Variants in AGO2 observed in about 807,000 individuals in gnomAD.
The protein encoded by AGO2 is protein argonaute-2.
A neutral mutation model predicts 102.3 loss-of-function variants in AGO2; 5 were observed. The ratio of observed to expected loss-of-function variants is 0.05; its 90% CI spans 0.03 to 0.10. AGO2 has a LOEUF of 0.10. Among genes scored for constraint, AGO2 ranks in the 10% least tolerant of loss-of-function variants. AGO2 has a pLI of 1.00. For missense variants in AGO2, 541 were observed against 1,183.7 expected (o/e 0.46, Z 7.97); for synonymous variants, 449 against 473.1 (o/e 0.95, Z 0.66).
At chr8:140,538,833 G>C (rs187945113) in intron 16 of AGO2, among the ~76,000 whole-genome samples, 2 of 152,312 alleles carry the variant, frequency 1.3e-5, no homozygotes, top group African/African-American at 4.8e-5. Context: ...GGGCGCAGTG[G>C]TTCACACCTG....
Position 140,523,603 on chromosome 8 carries a change from ACTTG to A in AGO2, c.*8437_*8440del, listed in dbSNP as rs1446481536. On this transcript the variant is annotated 3_prime_UTR_variant, in exon 19 of 19. Coordinates refer to ENST00000220592, the MANE Select transcript of AGO2 (RefSeq NM_012154.5). ...TCTCAAAACTTTTTAAAAAATAAAA[ACTTG>A]CTTGCCTCTACAGTTATAAAACATG... 6.6e-6 allele frequency: 1 copy of A among 152,146 alleles called. No individual in the cohort carries two copies. Among genetic ancestry groups the A allele is most frequent in the African/African-American group, 2.4e-5 (1 of 41,426 alleles). The allele number at this position is 152,146 out of a possible 1,614,324, so 9.4% of individuals were successfully genotyped here. A position where few individuals can be genotyped will look rare whatever the true frequency, so the allele number is the denominator to read the frequency against.
intron 14 of AGO2, 59 bp downstream of exon 14, chr8:140,544,154 C>A: frequency 6.7e-7 from 1 of 1,499,020 alleles, no homozygotes; most frequent in South Asian, 1.4e-5. Context: ...GACAGTGGGA[C>A]TTCGACAGCG....
intron 1 of AGO2, among the ~76,000 whole-genome samples, chr8:140,634,734 T>C (rs1443525565): frequency 6.6e-6 from 1 of 152,158 alleles, no homozygotes; most frequent in Non-Finnish European, 1.5e-5. Context: ...AGCACTTGAA[T>C]GGGGAGGCCG....
chr8:140,629,494 C>A (rs1356185073), intron 1 of AGO2, among the ~76,000 whole-genome samples: 7 of 152,122 alleles, frequency 4.6e-5, no homozygotes, highest in Non-Finnish European at 8.8e-5. Flanking sequence ...GCGGACGGGG[C>A]TGCAGTTCTG....
chr8:140,548,136 C>A (rs1211480285), intron 12 of AGO2, among the ~76,000 whole-genome samples: 1 of 151,994 alleles, frequency 6.6e-6, no homozygotes, highest in Non-Finnish European at 1.5e-5. Flanking sequence ...GCCAACATGG[C>A]AAAACCCTGT....
rs965181902 is a variant in AGO2, at chr8:140,535,626, G to C, written c.2170-57C>G. The C allele has an allele frequency of 1.9e-6, 3 of 1,581,342 alleles. No homozygotes were observed. The African/African-American group carries it at 4.0e-5, about 21-fold the overall frequency. On this transcript the variant is annotated intron_variant, in intron 16 of 18. Transcript: ENST00000220592. The stretch of plus-strand genomic sequence containing the variant: ...GCCAGGGACCGGCAGAGCCAAGCAG[G>C]CGGGCCAGGCAGCCGCGCCGCCCGC...
At chr8:140,634,412 G>T (rs1214347205) in intron 1 of AGO2, among the ~76,000 whole-genome samples, 1 of 152,162 alleles carries the variant, frequency 6.6e-6, no homozygotes, top group Non-Finnish European at 1.5e-5. Flanking sequence ...GCCCGGCGGG[G>T]CCTGCGCCGC....
At chr8:140,615,057 GC>G (rs2074123483) in intron 1 of AGO2, among the ~76,000 whole-genome samples, 1 of 152,090 alleles carries the variant, frequency 6.6e-6, no homozygotes, top group Non-Finnish European at 1.5e-5. Context: ...GTCCTGATTT[GC>G]CAAACACAGC....
chr8:140,533,578 G>A (rs1187026167), intron 17 of AGO2, among the ~76,000 whole-genome samples: 6 of 151,906 alleles, frequency 3.9e-5, no homozygotes, highest in African/African-American at 7.3e-5. Context: ...AGGCCGAGGC[G>A]GGCAGAACAC....
rs1356158517 is a variant in AGO2, at chr8:140,529,778, G to C, written c.*2266C>G. ...CATCCCTGAAGTACCGCACGCAGGAGGTGGCAGCAGGCCCACAAATCTGCA... is the reference window on the plus strand; with the variant it reads ...CATCCCTGAAGTACCGCACGCAGGACGTGGCAGCAGGCCCACAAATCTGCA... On this transcript the variant is annotated 3_prime_UTR_variant, in exon 19 of 19. Coordinates refer to ENST00000220592, the MANE Select transcript of AGO2 (RefSeq NM_012154.5). The C allele has an allele frequency of 6.6e-6, 1 of 152,180 alleles. No individual in the cohort carries two copies. Among genetic ancestry groups the C allele is most frequent in the Non-Finnish European group, 1.5e-5 (1 of 68,040 alleles). 9.4% of individuals were successfully genotyped at this position (152,180 alleles called of 1,614,324 possible).
chr8:140,574,989 C>A (rs934346039), intron 2 of AGO2, among the ~76,000 whole-genome samples: 2 of 152,210 alleles, frequency 1.3e-5, no homozygotes, highest in Admixed American at 1.3e-4. Flanking sequence ...GCTTGGTCCA[C>A]CTCCAACAGC....
chr8:140,554,402 C>T (rs907778929), intron 10 of AGO2, among the ~76,000 whole-genome samples: 2 of 152,194 alleles, frequency 1.3e-5, no homozygotes, highest in Non-Finnish European at 2.9e-5. Context: ...GGGTGCCACG[C>T]AGCAGTGCTA....
chr8:140,577,961 A>T (rs1455151875), intron 2 of AGO2, among the ~76,000 whole-genome samples: 3 of 152,132 alleles, frequency 2.0e-5, no homozygotes, highest in Non-Finnish European at 4.4e-5. Context: ...CTCTCAAGAG[A>T]AGGAGGCTGT....
At chr8:140,597,451 G>A (rs1029999327) in intron 1 of AGO2, among the ~76,000 whole-genome samples, 2 of 143,566 alleles carry the variant, frequency 1.4e-5, no homozygotes, top group African/African-American at 5.3e-5. Context: ...CACGGACACC[G>A]ATGGGGGCTG....
intron 1 of AGO2, among the ~76,000 whole-genome samples, chr8:140,633,465 A>G (rs2074365724): frequency 6.6e-6 from 1 of 152,196 alleles, no homozygotes; most frequent in South Asian, 2.1e-4. Flanking sequence ...CCAGGCCCAC[A>G]CCAAGGCAAC....
rs182781159 is a variant in AGO2, at chr8:140,623,410, C to G, written c.22+12075G>C. ...CGCTACACGCCACTGAATTGTTCATCTTACAATGGTTCATCCGATGTCACT... is the reference window on the plus strand; with the variant it reads ...CGCTACACGCCACTGAATTGTTCATGTTACAATGGTTCATCCGATGTCACT... On this transcript the variant is annotated intron_variant, in intron 1 of 18. Transcript: ENST00000220592. 1.5e-3 allele frequency among the ~76,000 whole-genome samples: 228 copies of G among 152,260 alleles called. No homozygotes were observed. The highest frequency in any genetic ancestry group is 5.3e-3 in the African/African-American group (219 of 41,534).
At chr8:140,612,879 A>ATT (rs939094744) in intron 1 of AGO2, among the ~76,000 whole-genome samples, 1 of 147,860 alleles carries the variant, frequency 6.8e-6, no homozygotes, top group Admixed American at 6.8e-5. Flanking sequence ...ATGAGGCCAG[A>ATT]TTTTTTTTTT....
rs982213764 is a variant in AGO2 at position 140,540,797 on chromosome 8, C to T, written c.2034+367G>A. 1.3e-5 allele frequency among the ~76,000 whole-genome samples: 2 copies of T among 152,198 alleles called. No homozygotes were observed. Among genetic ancestry groups the T allele is most frequent in the African/African-American group, 4.8e-5 (2 of 41,452 alleles). On this transcript the variant is annotated intron_variant, in intron 15 of 18. Transcript: ENST00000220592. This position sits in a 1 kb window ranked among gnomAD's most constrained non-coding sequence, Gnocchi z 5.0. ...TCCCCAGACGCAATGAGCTCCCCGC[C>T]TCGCAGGGACACCCGACAGCTCTCC...
chr8:140,633,991 C>G (rs1365537155), intron 1 of AGO2, among the ~76,000 whole-genome samples: 1 of 152,216 alleles, frequency 6.6e-6, no homozygotes, highest in Admixed American at 6.5e-5. Context: ...GTCCCATAAG[C>G]TGGGTTCCTC....
Sources: allele counts gnomAD v4.1 joint callset (sites outside exome capture counted in the v4.1 genomes callset), GRCh38; gene constraint gnomAD v4.1.1; non-coding constraint Gnocchi (gnomAD v3.1); transcripts MANE v1.5; gene names NCBI Gene and HGNC (gene_info 2026-07-23, HGNC 2026-07-21).